Variants in LIX1L observed in about 807,000 individuals in gnomAD.
The protein encoded by LIX1L is LIX1-like protein.
In LIX1L, 20 loss-of-function variants were observed where a neutral mutation model predicts 34.0. The observed-to-expected ratio is 0.59, with a 90% CI of 0.41 to 0.85. The LOEUF is 0.85. LIX1L is among the 40% of genes least tolerant of loss of function. The pLI, the probability that LIX1L is intolerant of heterozygous loss-of-function variation, is 0.00. For missense variants in LIX1L, 397 were observed against 447.0 expected (o/e 0.89, Z 1.01); for synonymous variants, 170 against 187.4 (o/e 0.91, Z 0.76).
chr1:145,956,579 C>G (rs1407759413), intron 1 of LIX1L, among the ~76,000 whole-genome samples: 1 of 152,124 alleles, frequency 6.6e-6, no homozygotes, highest in African/African-American at 2.4e-5. Context: ...AAAAGAAAAT[C>G]TACAGAAAAG....
At chr1:145,941,908 G>A (rs934519369) in intron 3 of LIX1L, 3 of 152,006 alleles carry the variant, frequency 2.0e-5, no homozygotes, top group African/African-American at 7.2e-5. Context: ...TTTTGAGATG[G>A]AGTCTCACTC....
At chr1:145,954,354 A>G (rs1649399162) in intron 1 of LIX1L, among the ~76,000 whole-genome samples, 2 of 152,220 alleles carry the variant, frequency 1.3e-5, no homozygotes, top group Non-Finnish European at 2.9e-5. Context: ...CAGCCACAGG[A>G]AACTAATATA....
At position 145,948,229 on chromosome 1, in the gene LIX1L, G is replaced by A. The variant is rs973068470; in HGVS notation, c.293-447C>T. Among the ~76,000 whole-genome samples, 39 of 152,166 alleles carry A rather than the reference G, an allele frequency of 2.6e-4. No homozygotes were observed. The highest frequency in any genetic ancestry group is 9.2e-4 in the African/African-American group (38 of 41,444). On this transcript the variant is annotated intron_variant, in intron 1 of 5. Transcript: ENST00000604000. The surrounding 1 kb of genome is among the most constrained non-coding windows in gnomAD (Gnocchi z 4.0). ...AATAAGTGCTAACATGTATTGAACTGTATGTCACCCATTTCTGTAACTGCT... is the reference window on the plus strand; with the variant it reads ...AATAAGTGCTAACATGTATTGAACTATATGTCACCCATTTCTGTAACTGCT...
At chr1:145,949,666 A>T (rs76355112) in intron 1 of LIX1L, among the ~76,000 whole-genome samples, 2 of 148,812 alleles carry the variant, frequency 1.3e-5, no homozygotes, top group Non-Finnish European at 3.0e-5. Flanking sequence ...ATAACTAATT[A>T]AAAAAAAAAG....
chr1:145,947,567 G>A (rs782522083), intron 2 of LIX1L, 52 bp downstream of exon 2: 19 of 1,579,920 alleles, frequency 1.2e-5, no homozygotes, highest in Middle Eastern at 2.1e-4. Flanking sequence ...GGAGAAAGCC[G>A]TTACTAACAT....
intron 2 of LIX1L, among the ~76,000 whole-genome samples, chr1:145,945,932 C>CAA (rs782015208): frequency 0.01 from 747 of 71,872 alleles, 6 homozygotes; most frequent in South Asian, 0.032. Flanking sequence ...CTAAAAATAC[C>CAA]AAAAAAAAAA....
intron 1 of LIX1L, among the ~76,000 whole-genome samples, chr1:145,954,129 A>G (rs587615805): frequency 6.6e-6 from 1 of 152,212 alleles, no homozygotes; most frequent in African/African-American, 2.4e-5. Flanking sequence ...ATAGTGATAC[A>G]GCAATAAACC....
In LIX1L at chr1:145,942,789, AAC is replaced by A; in HGVS notation, c.519_520del (p.Phe174Ter). 6.2e-7 allele frequency: 1 copy of A among 1,614,090 alleles called. No homozygotes were observed. Among genetic ancestry groups the A allele is most frequent in the East Asian group, 2.2e-5 (1 of 44,888 alleles). On this transcript the variant is annotated frameshift_variant, in exon 3 of 6. Coordinates refer to ENST00000604000, the MANE Select transcript of LIX1L (RefSeq NM_153713.3). LOFTEE classifies it high-confidence loss of function. ...GATTCTTCGGGAAGGATGTTCATTA[AAC>A]ACAGAATTCATTAGCGCAATCTTTG...
Position 145,952,557 on chromosome 1 carries a change from T to A in LIX1L, c.293-4775A>T, listed in dbSNP as rs79936807. Among the ~76,000 whole-genome samples the A allele has an allele frequency of 9.2e-4, 140 of 152,290 alleles. 1 individual carries two copies. In the East Asian group the frequency reaches 0.024, roughly 26 times the overall value. On this transcript the variant is annotated intron_variant, in intron 1 of 5. Transcript: ENST00000604000. The stretch of plus-strand genomic sequence containing the variant: ...GCCTTTAGGAGATAAAATATACGAA[T>A]GTCTAAGTGGACAGGATGGGAATGA...
intron 1 of LIX1L, chr1:145,950,385 G>T (rs140986399): frequency 0.018 from 2,663 of 151,722 alleles, 35 homozygotes; most frequent in Non-Finnish European, 0.028. Flanking sequence ...TGTTGTTGTT[G>T]TTTTTTTTCT....
In LIX1L at chr1:145,945,525, T is replaced by C. The variant is rs187495987; in HGVS notation, c.456+2094A>G. 2.5e-3 allele frequency among the ~76,000 whole-genome samples: 381 copies of C among 151,330 alleles called. 6 individuals are homozygous for C. The highest frequency in any genetic ancestry group is 0.021 in the Admixed American group (324 of 15,184). ...ACCTTGGGAGGCCGAGGTGGGCGGA[T>C]TGCTTGAGGTCAGGAGTTCGAGACC... On this transcript the variant is annotated intron_variant, in intron 2 of 5. Coordinates refer to ENST00000604000, the MANE Select transcript of LIX1L (RefSeq NM_153713.3).
chr1:145,942,877 AAT>A, intron 2 of LIX1L, 24 bp from the exon 3 acceptor site: 1 of 1,612,830 alleles, frequency 6.2e-7, no homozygotes, highest in Non-Finnish European at 8.5e-7. Context: ...AAAGAGTGAG[AAT>A]ATGTGTATTT....
At chr1:145,945,814 G>A (rs149172615) in intron 2 of LIX1L, among the ~76,000 whole-genome samples, 7,854 of 149,008 alleles carry the variant, frequency 0.053, 400 homozygotes, top group South Asian at 0.17. Flanking sequence ...CAGGCTGGGC[G>A]CAGTGGCTCA....
Position 145,957,714 on chromosome 1 carries a change from CG to C in LIX1L, c.213del (p.Gly72AlafsTer14). On this transcript the variant is annotated frameshift_variant, in exon 1 of 6. Transcript: ENST00000604000. LOFTEE classifies it high-confidence loss of function. ...GCCTCTCGCAGCACTGCCGGGCTGC[CG>C]GCGGCGCCGGGGGGCAGGGGTAGTC... ...APGLPLPPGA[A>X]GSPAVLREAV... 2 of 1,488,060 alleles carry C rather than the reference CG, an allele frequency of 1.3e-6. No homozygotes were observed. The highest frequency in any genetic ancestry group is 1.3e-5 in the South Asian group (1 of 77,674). The allele number at this position is 1,488,060 out of a possible 1,614,324, so 92.2% of individuals were successfully genotyped here.
At chr1:145,952,667 A>G (rs964841747) in intron 1 of LIX1L, among the ~76,000 whole-genome samples, 1 of 151,756 alleles carries the variant, frequency 6.6e-6, no homozygotes. Context: ...GCTGGAGTGC[A>G]GTAGCATGAT....
chr1:145,936,265 TAAAA>T lies in LIX1L; in HGVS notation c.*41_*44del. 6.3e-7 allele frequency: 1 copy of T among 1,590,618 alleles called. No individual in the cohort carries two copies. The highest frequency in any genetic ancestry group is 8.6e-7 in the Non-Finnish European group (1 of 1,167,622). ...CATCCTAAATCTTAGAAAGGAGACATAAAAAAAGGCTGTGGAAAGCCTGGGGAGT... is the reference window on the plus strand; with the variant it reads ...CATCCTAAATCTTAGAAAGGAGACATAAAGGCTGTGGAAAGCCTGGGGAGT... On this transcript the variant is annotated 3_prime_UTR_variant, in exon 6 of 6. Transcript: ENST00000604000.
At chr1:145,952,864 G>T (rs587692321) in intron 1 of LIX1L, among the ~76,000 whole-genome samples, 7 of 152,192 alleles carry the variant, frequency 4.6e-5, no homozygotes. Flanking sequence ...TCCCACCTCA[G>T]CCTCCCAAAG....
intron 1 of LIX1L, among the ~76,000 whole-genome samples, chr1:145,953,004 T>C (rs1649356173): frequency 6.6e-6 from 1 of 152,128 alleles, no homozygotes; most frequent in South Asian, 2.1e-4. Context: ...CTTGACTTCC[T>C]GGGTTCAAGT....
intron 1 of LIX1L, among the ~76,000 whole-genome samples, chr1:145,950,977 A>G (rs1393760695): frequency 6.6e-6 from 1 of 152,216 alleles, no homozygotes; most frequent in Non-Finnish European, 1.5e-5. Flanking sequence ...AACTTTGAGC[A>G]CTTAATAGGT....
Sources: gnomAD v4.1 joint callset for allele counts (sites outside exome capture counted in the v4.1 genomes callset) on GRCh38, gnomAD v4.1.1 for gene constraint, Gnocchi (gnomAD v3.1) non-coding constraint, MANE v1.5 for transcripts, NCBI Gene and HGNC (gene_info 2026-07-23, HGNC 2026-07-21) for gene names.